The following NTRK2 variants were observed in gnomAD, a reference collection of about 807,000 sequenced individuals.
The protein encoded by NTRK2 is neurotrophic receptor tyrosine kinase 2, also known as BDNF/NT-3 growth factors receptor.
A neutral mutation model predicts 94.5 loss-of-function variants in NTRK2; 13 were observed. The observed-to-expected ratio is 0.14, with a 90% CI of 0.09 to 0.22. The LOEUF (loss-of-function observed/expected upper bound fraction) is 0.22. Ranked by LOEUF, NTRK2 falls within the 10% of genes least tolerant of loss-of-function variation. The pLI, the probability that NTRK2 is intolerant of heterozygous loss-of-function variation, is 1.00. For missense variants in NTRK2, 639 were observed against 1,071.2 expected (o/e 0.60, Z 5.63); for synonymous variants, 372 against 407.4 (o/e 0.91, Z 1.05).
At chr9:84,964,477 G>A (rs142584700) in intron 17 of NTRK2, among the ~76,000 whole-genome samples, 4 of 152,302 alleles carry the variant, frequency 2.6e-5, no homozygotes, top group Admixed American at 6.5e-5. Context: ...GCCATGAATA[G>A]TATCCTCACA....
At chr9:84,777,315 G>A (rs932546039) in intron 12 of NTRK2, among the ~76,000 whole-genome samples, 6 of 152,176 alleles carry the variant, frequency 3.9e-5, no homozygotes, top group African/African-American at 1.4e-4. Context: ...TCTAACGGAT[G>A]TTTACAAGAT....
intron 17 of NTRK2, among the ~76,000 whole-genome samples, chr9:84,970,991 T>C (rs1300570982): frequency 4.6e-5 from 7 of 152,242 alleles, no homozygotes; most frequent in African/African-American, 1.7e-4. Flanking sequence ...TTTACTTTTT[T>C]CTTGTTCCTT....
At chr9:84,975,474 A>C (rs745945586) in intron 17 of NTRK2, among the ~76,000 whole-genome samples, 1 of 152,198 alleles carries the variant, frequency 6.6e-6, no homozygotes, top group Non-Finnish European at 1.5e-5. Context: ...TAGGCAGACT[A>C]AAGGGGGTCT....
At chr9:84,760,584 C>A (rs953384140) in intron 12 of NTRK2, among the ~76,000 whole-genome samples, 2 of 152,172 alleles carry the variant, frequency 1.3e-5, no homozygotes, top group African/African-American at 4.8e-5. Flanking sequence ...CCCTTTAATA[C>A]ACTATGTGTG....
intron 12 of NTRK2, among the ~76,000 whole-genome samples, chr9:84,816,795 A>G (rs534596965): frequency 1.8e-4 from 28 of 151,688 alleles, no homozygotes; most frequent in Middle Eastern, 3.4e-3. Flanking sequence ...AAAAAAAAAA[A>G]AAAAGAAAAG....
chr9:84,748,615 G>C (rs1454852571), intron 11 of NTRK2, among the ~76,000 whole-genome samples: 10 of 152,212 alleles, frequency 6.6e-5, no homozygotes, highest in Admixed American at 6.5e-4. Flanking sequence ...AGACTGTACT[G>C]TGGTACTGCT....
In NTRK2 at chr9:84,941,181, T is replaced by C. The variant is rs548720723; in HGVS notation, c.1764+6889T>C. On this transcript the variant is annotated intron_variant, in intron 15 of 18. Coordinates refer to ENST00000277120, the MANE Select transcript of NTRK2 (RefSeq NM_006180.6). ...GATGTTGCTTAATAGACTAGATTTC[T>C]ATTGTTCTTTGGGTATGTACATTCT... 4.6e-5 allele frequency among the ~76,000 whole-genome samples: 7 copies of C among 152,354 alleles called. No homozygotes were observed. In the East Asian group the frequency reaches 1.3e-3, roughly 29 times the overall value.
intron 16 of NTRK2, among the ~76,000 whole-genome samples, chr9:84,954,355 C>T (rs148568262): frequency 1.7e-3 from 258 of 152,308 alleles, no homozygotes; most frequent in Middle Eastern, 3.4e-3. Context: ...TCCTAAGACG[C>T]GGATCCTCCC....
intron 12 of NTRK2, chr9:84,811,788 C>G: frequency 1.9e-6 from 2 of 1,065,558 alleles, no homozygotes; most frequent in Non-Finnish European, 2.3e-6. Flanking sequence ...TTCTGCATCC[C>G]CCCTGAGTCT....
At chr9:84,727,561 T>A in intron 8 of NTRK2, 93 bp from the exon 9 acceptor site, 6 of 1,241,716 alleles carry the variant, frequency 4.8e-6, no homozygotes, top group Non-Finnish European at 5.8e-6. Context: ...CAAACAATGG[T>A]TGAGTAAAAT....
At chr9:84,738,997 G>A (rs1358896282) in intron 9 of NTRK2, among the ~76,000 whole-genome samples, 1 of 151,858 alleles carries the variant, frequency 6.6e-6, no homozygotes, top group East Asian at 1.9e-4. Context: ...CGCTGATATG[G>A]GTCATAAGAC....
chr9:84,923,544 A>G (rs1238931800), intron 14 of NTRK2, among the ~76,000 whole-genome samples: 3 of 152,214 alleles, frequency 2.0e-5, no homozygotes, highest in African/African-American at 7.2e-5. Flanking sequence ...ACCAAAAACA[A>G]AAGATTTCTT....
At chr9:84,992,619 C>T (rs559312745) in intron 17 of NTRK2, among the ~76,000 whole-genome samples, 1 of 152,294 alleles carries the variant, frequency 6.6e-6, no homozygotes, top group Non-Finnish European at 1.5e-5. Context: ...TTACCATCTA[C>T]ACTGCCTCTC....
intron 10 of NTRK2, 29 bp from the exon 11 acceptor site, chr9:84,744,944 C>T (rs1327183623): frequency 1.3e-6 from 2 of 1,498,414 alleles, no homozygotes; most frequent in Non-Finnish European, 1.9e-6. Context: ...ACTTCATGTT[C>T]TTCCTCATTC....
chr9:84,829,289 G>A (rs2073385253), intron 12 of NTRK2, among the ~76,000 whole-genome samples: 1 of 152,144 alleles, frequency 6.6e-6, no homozygotes, highest in Admixed American at 6.5e-5. Context: ...GCAAGCCACA[G>A]CGCCTGGCCC....
intron 12 of NTRK2, among the ~76,000 whole-genome samples, chr9:84,830,413 G>A (rs2073465981): frequency 6.6e-6 from 1 of 152,130 alleles, no homozygotes; most frequent in Non-Finnish European, 1.5e-5. Flanking sequence ...TTCCCAATAA[G>A]TAGCTGTTAG....
At chr9:84,992,400 G>A (rs1829199061) in intron 17 of NTRK2, among the ~76,000 whole-genome samples, 1 of 151,956 alleles carries the variant, frequency 6.6e-6, no homozygotes, top group South Asian at 2.1e-4. Flanking sequence ...GATGTTCTCG[G>A]GGGCTACTCC....
intron 14 of NTRK2, chr9:84,876,413 A>G (rs2076069076): frequency 9.5e-7 from 1 of 1,054,530 alleles, no homozygotes; most frequent in Non-Finnish European, 1.1e-6. Flanking sequence ...TTTCATGCTC[A>G]ATACTTACTC....
At chr9:84,688,400 G>C (rs1047962303) in intron 2 of NTRK2, among the ~76,000 whole-genome samples, 7 of 152,158 alleles carry the variant, frequency 4.6e-5, no homozygotes, top group Non-Finnish European at 4.4e-5. Context: ...GAGTGTGTAG[G>C]GGGGTGGCCA....
Sources: gnomAD v4.1 joint callset for allele counts (sites outside exome capture counted in the v4.1 genomes callset) on GRCh38, gnomAD v4.1.1 for gene constraint, MANE v1.5 for transcripts, NCBI Gene and HGNC (gene_info 2026-07-23, HGNC 2026-07-21) for gene names.